The following CSMD3 variants were observed in gnomAD, a reference collection of about 807,000 sequenced individuals.
CSMD3 encodes the protein CUB and Sushi multiple domains 3.
A neutral mutation model predicts 435.2 loss-of-function variants in CSMD3; 177 were observed. The ratio of observed to expected loss-of-function variants is 0.41; its 90% CI spans 0.36 to 0.46. CSMD3 has a LOEUF of 0.46. Ranked by LOEUF, CSMD3 falls within the 20% of genes least tolerant of loss-of-function variation. The probability of loss-of-function intolerance (pLI) is 0.34; values close to 1 mark genes in which losing one functional copy is unlikely to be tolerated. For synonymous variants in CSMD3, 1,656 were observed against 1,520.5 expected, an observed-to-expected ratio of 1.09 and a Z score of -2.07; for missense variants, 4,265 against 4,504.6, an observed-to-expected ratio of 0.95 and a Z score of 1.52.
intron 12 of CSMD3, among the ~76,000 whole-genome samples, chr8:112,821,826 A>T (rs2079538868): frequency 6.6e-6 from 1 of 152,144 alleles, no homozygotes; most frequent in African/African-American, 2.4e-5. Context: ...TAATTTTTGT[A>T]TAGGGAGTAA....
chr8:112,308,933 A>T (rs896169556), intron 50 of CSMD3, among the ~76,000 whole-genome samples: 1 of 152,066 alleles, frequency 6.6e-6, no homozygotes, highest in African/African-American at 2.4e-5. Flanking sequence ...CTTCCAAATG[A>T]CATACAAACA....
intron 22 of CSMD3, among the ~76,000 whole-genome samples, chr8:112,621,479 A>C (rs1007495365): frequency 1.3e-5 from 2 of 151,970 alleles, no homozygotes; most frequent in African/African-American, 4.8e-5. Flanking sequence ...GTCTAGATTC[A>C]CTGTCTGCAA....
chr8:112,997,389 T>G (rs1172428940), intron 6 of CSMD3, among the ~76,000 whole-genome samples: 1 of 151,678 alleles, frequency 6.6e-6, no homozygotes, highest in Non-Finnish European at 1.5e-5. Context: ...CAATTTATAA[T>G]GTACATTAAT....
intron 1 of CSMD3, among the ~76,000 whole-genome samples, chr8:113,383,115 C>A (rs2094424178): frequency 6.6e-6 from 1 of 152,010 alleles, no homozygotes; most frequent in African/African-American, 2.4e-5. Context: ...ATGGACACTG[C>A]AGAGAGGGAA....
chr8:112,763,877 C>T (rs2132160924), intron 13 of CSMD3, among the ~76,000 whole-genome samples: 1 of 151,228 alleles, frequency 6.6e-6, no homozygotes, highest in Non-Finnish European at 1.5e-5. Context: ...CCTAGCAACA[C>T]ATGAAATTCT....
At chr8:112,354,623 G>A (rs941173173) in intron 38 of CSMD3, among the ~76,000 whole-genome samples, 1 of 152,008 alleles carries the variant, frequency 6.6e-6, no homozygotes, top group Admixed American at 6.6e-5. Flanking sequence ...AATAAAACAT[G>A]TAGCAATACA....
rs146744753 is a variant in CSMD3, at chr8:112,271,526, G to C, written c.9509-5936C>G. Among the ~76,000 whole-genome samples, 19 of 152,158 alleles carry C rather than the reference G, an allele frequency of 1.2e-4. No homozygotes were observed. In the East Asian group the frequency reaches 3.7e-3, roughly 29 times the overall value. On this transcript the variant is annotated intron_variant, in intron 59 of 70. Coordinates refer to ENST00000297405, the MANE Select transcript of CSMD3 (RefSeq NM_198123.2). ...CTAAATGGAGAAAAGTACAGAAGAA[G>C]AGATAAAAGTATACTAAAGAACATG...
intron 35 of CSMD3, among the ~76,000 whole-genome samples, chr8:112,401,572 T>G (rs1290623261): frequency 6.6e-6 from 1 of 152,196 alleles, no homozygotes; most frequent in African/African-American, 2.4e-5. Flanking sequence ...ACTTTGTTTT[T>G]ATTTTATGTT....
chr8:112,690,562 T>C (rs2076110214), intron 13 of CSMD3, among the ~76,000 whole-genome samples: 1 of 149,688 alleles, frequency 6.7e-6, no homozygotes, highest in Non-Finnish European at 1.5e-5. Flanking sequence ...CTGGTACTAG[T>C]TGGTTGAATT....
chr8:112,771,838 A>C (rs181249063), intron 13 of CSMD3, among the ~76,000 whole-genome samples: 1 of 151,876 alleles, frequency 6.6e-6, no homozygotes, highest in African/African-American at 2.4e-5. Context: ...GGAATAGAAA[A>C]AAGTCAATCA....
intron 4 of CSMD3, among the ~76,000 whole-genome samples, chr8:113,114,820 A>T (rs2090774309): frequency 6.6e-6 from 1 of 152,196 alleles, no homozygotes; most frequent in South Asian, 2.1e-4. Flanking sequence ...AATTTTGAGA[A>T]AAATCATACC....
chr8:112,638,753 A>G lies in CSMD3; in HGVS notation c.3469T>C (p.Leu1157=), dbSNP rs745375011. The change falls in exon 21 of 71, where the codon TTG becomes CTG. Residue 1157 remains leucine (L), a synonymous_variant. Transcript: ENST00000297405. ...AGLYGNFRAQ[L]RFISDFSISY... ...ATTGAAAAATCTGAAATGAAACGCAATTGAGCCCTGAAATTTCCATAGAGA... is the reference window on the plus strand; with the variant it reads ...ATTGAAAAATCTGAAATGAAACGCAGTTGAGCCCTGAAATTTCCATAGAGA... The G allele has an allele frequency of 5.3e-5, 86 of 1,611,470 alleles. No individual in the cohort carries two copies. The highest frequency in any genetic ancestry group is 1.5e-4 in the African/African-American group (11 of 74,804).
chr8:112,294,280 A>G (rs1258809502), intron 54 of CSMD3, among the ~76,000 whole-genome samples: 4 of 152,132 alleles, frequency 2.6e-5, no homozygotes, highest in Non-Finnish European at 5.9e-5. Flanking sequence ...GCAATTGGTC[A>G]CAGATTAAAT....
At chr8:113,144,113 A>C (rs1389696307) in intron 4 of CSMD3, among the ~76,000 whole-genome samples, 2 of 150,200 alleles carry the variant, frequency 1.3e-5, no homozygotes, top group Non-Finnish European at 3.0e-5. Flanking sequence ...TTATTATATA[A>C]TTATTACTTA....
rs141496135 is a variant in CSMD3, at chr8:112,810,587, T to C, written c.1860-10313A>G. Among the ~76,000 whole-genome samples, 19 of 152,202 alleles carry C rather than the reference T, an allele frequency of 1.2e-4. No homozygotes were observed. In the South Asian group the frequency reaches 2.5e-3, roughly 20 times the overall value. On this transcript the variant is annotated intron_variant, in intron 12 of 70. Coordinates refer to ENST00000297405, the MANE Select transcript of CSMD3 (RefSeq NM_198123.2). ...AACCTATAGGCTTTTTCCACAAGAA[T>C]TGTAACAATTAAAGTCATGTATATT... is the stretch of plus-strand genomic sequence containing the variant.
chr8:112,876,902 C>A (rs181340434), intron 10 of CSMD3, among the ~76,000 whole-genome samples: 43 of 152,270 alleles, frequency 2.8e-4, no homozygotes, highest in Admixed American at 1.6e-3. Flanking sequence ...TAAGCAACTT[C>A]AGAAAAATCT....
intron 13 of CSMD3, among the ~76,000 whole-genome samples, chr8:112,740,312 C>A (rs561134946): frequency 6.6e-6 from 1 of 151,564 alleles, no homozygotes; most frequent in Non-Finnish European, 1.5e-5. Context: ...TTGATGAAGA[C>A]CTAAAAATAA....
intron 4 of CSMD3, among the ~76,000 whole-genome samples, chr8:113,134,341 C>T (rs773973716): frequency 6.6e-6 from 1 of 151,906 alleles, no homozygotes; most frequent in Admixed American, 6.6e-5. Context: ...GGCTATGTAC[C>T]TTATTTAGTG....
intron 6 of CSMD3, among the ~76,000 whole-genome samples, chr8:112,978,294 T>C (rs527394448): frequency 6.6e-6 from 1 of 152,022 alleles, no homozygotes; most frequent in Admixed American, 6.6e-5. Context: ...TAAATTATCA[T>C]ATTCCATCAG....
Sources: allele counts gnomAD v4.1 joint callset (sites outside exome capture counted in the v4.1 genomes callset), GRCh38; gene constraint gnomAD v4.1.1; transcripts MANE v1.5; gene names NCBI Gene and HGNC (gene_info 2026-07-23, HGNC 2026-07-21).